Variants in TM4SF4 observed in about 807,000 individuals in gnomAD.
The protein encoded by TM4SF4 is transmembrane 4 L6 family member 4.
A neutral mutation model predicts 24.1 loss-of-function variants in TM4SF4; 24 were observed. The ratio of observed to expected loss-of-function variants is 1.00; its 90% CI spans 0.72 to 1.40. The LOEUF is 1.40. TM4SF4 is among the 40% of genes most tolerant of loss of function. The pLI is 0.00. For synonymous variants in TM4SF4, 113 were observed against 97.0 expected (o/e 1.17, Z -0.97); for missense variants, 254 against 254.2 (o/e 1.00, Z 0.01).
intron 2 of TM4SF4, 36 bp downstream of exon 2, chr3:149,475,948 C>A: frequency 1.3e-6 from 2 of 1,557,572 alleles, no homozygotes; most frequent in South Asian, 1.2e-5. Context: ...TAGAATTACT[C>A]CAGGGTGCTC....
intron 4 of TM4SF4, among the ~76,000 whole-genome samples, chr3:149,501,046 G>GAA (rs72096118): frequency 0.074 from 10,897 of 146,824 alleles, 937 homozygotes; most frequent in East Asian, 0.41. Flanking sequence ...AAGAGAGAGA[G>GAA]AGAAAGAAAG....
chr3:149,493,271 T>C (rs1219372267), intron 3 of TM4SF4, among the ~76,000 whole-genome samples: 1 of 152,248 alleles, frequency 6.6e-6, no homozygotes, highest in Non-Finnish European at 1.5e-5. Flanking sequence ...CTCTTTATTG[T>C]GATATAAGTA....
chr3:149,480,482 A>T (rs1734015687), intron 2 of TM4SF4, among the ~76,000 whole-genome samples: 2 of 152,082 alleles, frequency 1.3e-5, no homozygotes, highest in Admixed American at 1.3e-4. Flanking sequence ...CCCCACCCAC[A>T]GGCAGGGCCA....
chr3:149,481,766 A>G (rs2107867906), intron 2 of TM4SF4, among the ~76,000 whole-genome samples: 1 of 152,266 alleles, frequency 6.6e-6, no homozygotes, highest in South Asian at 2.1e-4. Context: ...AGGACATATG[A>G]TCTCAGGCCT....
rs144866773 is a variant in TM4SF4 at position 149,501,171 on chromosome 3, T to A, written c.592-1505T>A. On this transcript the variant is annotated intron_variant, in intron 4 of 4. Transcript: ENST00000305354. ...CAGCACGTTGGTTCCTTTTAGTGAG[T>A]TTCATTTATTTGGATACCATATTTT... Among the ~76,000 whole-genome samples, 29 of 152,280 alleles carry A rather than the reference T, an allele frequency of 1.9e-4. 1 individual carries two copies. The highest frequency in any genetic ancestry group is 6.8e-3 in the Middle Eastern group (2 of 294).
chr3:149,481,773 G>A (rs898326182), intron 2 of TM4SF4, among the ~76,000 whole-genome samples: 1 of 152,142 alleles, frequency 6.6e-6, no homozygotes, highest in South Asian at 2.1e-4. Flanking sequence ...ATGATCTCAG[G>A]CCTTCTTATC....
chr3:149,475,123 T>A (rs1560027599), intron 1 of TM4SF4, 72 bp downstream of exon 1: 2 of 1,460,944 alleles, frequency 1.4e-6, no homozygotes, highest in Admixed American at 2.3e-5. Context: ...AATCAGGTAC[T>A]TATTGAACAG....
intron 3 of TM4SF4, among the ~76,000 whole-genome samples, chr3:149,497,453 A>G (rs779108581): frequency 6.6e-6 from 1 of 152,252 alleles, no homozygotes; most frequent in Non-Finnish European, 1.5e-5. Context: ...TCTAAAAACA[A>G]TAACATCAAC....
At position 149,502,793 on chromosome 3, in the gene TM4SF4, C is replaced by T; in HGVS notation, c.*100C>T. 2.3e-6 allele frequency: 2 copies of T among 870,900 alleles called. No individual in the cohort carries two copies. The highest frequency in any genetic ancestry group is 1.9e-5 in the Admixed American group (1 of 52,676). The allele number at this position is 870,900 out of a possible 1,614,324, so 53.9% of individuals were successfully genotyped here. A position where few individuals can be genotyped will look rare whatever the true frequency, so the allele number is the denominator to read the frequency against. On this transcript the variant is annotated 3_prime_UTR_variant, in exon 5 of 5. Transcript: ENST00000305354. ...GGAATTATTAATTCCTATCTGCTTC[C>T]TAGCTGATAAAGCTTAGAAAAGGCA...
intron 4 of TM4SF4, 147 bp from the exon 5 acceptor site, chr3:149,502,529 A>C: frequency 1.6e-6 from 1 of 640,562 alleles, no homozygotes. Context: ...AAAGCCCTGA[A>C]ACAAAGCCAG....
chr3:149,474,883 C>T lies in TM4SF4; in HGVS notation c.6C>T (p.Cys2=). 1 of 1,612,942 alleles carries T rather than the reference C, an allele frequency of 6.2e-7. No homozygotes were observed. The highest frequency in any genetic ancestry group is 1.1e-5 in the South Asian group (1 of 91,002). The part of the protein sequence containing the change: M[C]TGGCARCLGG... ...CTGTGTCGTACCACCCCAGAATGTG[C>T]ACTGGGGGCTGTGCCAGATGCCTGG... Residue 2 remains cysteine, a synonymous_variant, in exon 1 of 5, where the codon TGC becomes TGT. Transcript: ENST00000305354.
chr3:149,476,670 A>G (rs540715145), intron 2 of TM4SF4, among the ~76,000 whole-genome samples: 1 of 152,310 alleles, frequency 6.6e-6, no homozygotes, highest in Admixed American at 6.5e-5. Context: ...CAGATGTGCT[A>G]TATCTTTCCA....
At chr3:149,491,442 G>A (rs1051742380) in intron 3 of TM4SF4, among the ~76,000 whole-genome samples, 1 of 151,548 alleles carries the variant, frequency 6.6e-6, no homozygotes, top group Non-Finnish European at 1.5e-5. Flanking sequence ...TTCTAGCCTG[G>A]GCAACAGAGC....
chr3:149,490,739 T>C (rs2107872309), intron 3 of TM4SF4, among the ~76,000 whole-genome samples: 1 of 152,360 alleles, frequency 6.6e-6, no homozygotes, highest in Non-Finnish European at 1.5e-5. Flanking sequence ...CACATAAGCA[T>C]ATAGTAACTG....
At chr3:149,498,540 AG>A (rs1734356262) in intron 3 of TM4SF4, among the ~76,000 whole-genome samples, 181 bp from the exon 4 acceptor site, 1 of 152,228 alleles carries the variant, frequency 6.6e-6, no homozygotes, top group Admixed American at 6.5e-5. Flanking sequence ...TCTGGCACAC[AG>A]GGTGTACTCA....
At chr3:149,489,354 A>C (rs1644835169) in intron 3 of TM4SF4, among the ~76,000 whole-genome samples, 1 of 152,256 alleles carries the variant, frequency 6.6e-6, no homozygotes, top group African/African-American at 2.4e-5. Flanking sequence ...CATCAGTGCC[A>C]CAGTAAACAT....
chr3:149,502,663 T>G lies in TM4SF4; in HGVS notation c.592-13T>G, dbSNP rs1243626958. 1 of 1,600,358 alleles carries G rather than the reference T, an allele frequency of 6.2e-7. No homozygotes were observed. Among genetic ancestry groups the G allele is most frequent in the East Asian group, 2.2e-5 (1 of 44,762 alleles). ...CATGACATCATAGTTAATTCACCTT[T>G]TCTACCTTCTAGGGAGATGGACCCG... On this transcript the variant is annotated splice_polypyrimidine_tract_variant and intron_variant, in intron 4 of 4. Coordinates refer to ENST00000305354, the MANE Select transcript of TM4SF4 (RefSeq NM_004617.4).
At position 149,498,816 on chromosome 3, in the gene TM4SF4, G is replaced by A. The variant is rs374118183; in HGVS notation, c.496G>A (p.Val166Ile). The change falls in exon 4 of 5, where the codon GTA becomes ATA. Residue 166 changes from valine (V) to isoleucine (I), a missense_variant. Transcript: ENST00000305354. The part of the protein sequence containing the change: ...NLTLFSILLV[V>I]GGIQMVLCAI... Reference sequence around the variant, plus strand: ...GACCCTCTTCTCCATCCTGCTGGTCGTAGGAGGAATCCAGATGGTTCTCTG... The same window carrying A: ...GACCCTCTTCTCCATCCTGCTGGTCATAGGAGGAATCCAGATGGTTCTCTG... 7.9e-5 allele frequency: 127 copies of A among 1,613,982 alleles called. No individual in the cohort carries two copies. The African/African-American group carries it at 1.2e-3, about 15-fold the overall frequency.
At chr3:149,489,981 T>C (rs1356109105) in intron 3 of TM4SF4, among the ~76,000 whole-genome samples, 1 of 152,022 alleles carries the variant, frequency 6.6e-6, no homozygotes, top group Non-Finnish European at 1.5e-5. Context: ...AACTATAATG[T>C]GATAAAAAAT....
Sources: allele counts gnomAD v4.1 joint callset (sites outside exome capture counted in the v4.1 genomes callset), GRCh38; gene constraint gnomAD v4.1.1; transcripts MANE v1.5; gene names NCBI Gene and HGNC (gene_info 2026-07-23, HGNC 2026-07-21).